SARDH: variants seen among roughly 807,000 people sequenced by gnomAD.
SARDH encodes sarcosine dehydrogenase, also known as sarcosine dehydrogenase, mitochondrial.
In SARDH, 95 loss-of-function variants were observed where a neutral mutation model predicts 109.1. The observed-to-expected ratio is 0.87, with a 90% CI of 0.74 to 1.03. The LOEUF (loss-of-function observed/expected upper bound fraction) is 1.03, where lower values mean the gene tolerates loss of function less well. SARDH is among the 50% of genes least tolerant of loss of function. SARDH has a pLI of 0.00. For missense variants in SARDH, 1,267 were observed against 1,287.8 expected (o/e 0.98, Z 0.25); for synonymous variants, 572 against 534.8 (o/e 1.07, Z -0.96).
downstream of SARDH, among the ~76,000 whole-genome samples, chr9:133,661,649 TTTTG>T (rs1832416859): frequency 1.3e-5 from 2 of 151,930 alleles, no homozygotes; most frequent in Non-Finnish European, 2.9e-5. Flanking sequence ...GCCCAGCTAA[TTTTG>T]TGTTTTTAGT....
At chr9:133,670,842 C>A in intron 18 of SARDH, 90 bp from the exon 19 acceptor site, 1 of 1,423,164 alleles carries the variant, frequency 7.0e-7, no homozygotes, top group South Asian at 1.5e-5. Context: ...AACCCACCCC[C>A]TCCAGCCCCT....
chr9:133,717,955 C>T (rs576123756), intron 7 of SARDH, among the ~76,000 whole-genome samples: 22 of 152,334 alleles, frequency 1.4e-4, no homozygotes, highest in African/African-American at 4.8e-4. Flanking sequence ...CCCTGAAAAA[C>T]CCTGCCCTGA....
At position 133,694,464 on chromosome 9, in the gene SARDH, C is replaced by G. The variant is rs978141170; in HGVS notation, c.1808-93G>C. Reference sequence around the variant, plus strand: ...CCCAGGGCCGCTCACAGGGGCAGCTCCTTGTCACGGAGGCTGGATAACCCC... The same window carrying G: ...CCCAGGGCCGCTCACAGGGGCAGCTGCTTGTCACGGAGGCTGGATAACCCC... On this transcript the variant is annotated intron_variant, in intron 14 of 20. Transcript: ENST00000439388. The G allele has an allele frequency of 4.8e-6, 5 of 1,035,770 alleles. No homozygotes were observed. The African/African-American group carries it at 8.0e-5, about 17-fold the overall frequency. The allele number at this position is 1,035,770 out of a possible 1,614,324, so 64.2% of individuals were successfully genotyped here.
chr9:133,694,189 C>G, intron 15 of SARDH, 69 bp downstream of exon 15: 1 of 1,194,702 alleles, frequency 8.4e-7, no homozygotes, highest in Non-Finnish European at 1.2e-6. Flanking sequence ...CCATCCTGCC[C>G]TGTCCACAAC....
chr9:133,708,061 C>A (rs566381068), intron 11 of SARDH, among the ~76,000 whole-genome samples: 1 of 152,272 alleles, frequency 6.6e-6, no homozygotes, highest in Non-Finnish European at 1.5e-5. Context: ...CAACAGAAGC[C>A]CCCGGGTGGG....
At position 133,666,861 on chromosome 9, in the gene SARDH, G is replaced by T; in HGVS notation, c.2505C>A (p.Pro835=). Residue 835 remains proline (P), a synonymous_variant, in exon 20 of 21, where the codon CCC becomes CCA. Coordinates refer to ENST00000439388, the MANE Select transcript of SARDH (RefSeq NM_001134707.2). The surrounding 1 kb of genome is among the most constrained non-coding windows in gnomAD (Gnocchi z 5.2). The part of the protein sequence containing the change: ...LVCFTMEDKV[P]MFGLEAIWRN... ...TCCAGATGGCCTCCAGGCCAAACAT[G>T]GGTACTTTGCTGGAAGAAGCAGTAG... The T allele has an allele frequency of 6.2e-7, 1 of 1,612,680 alleles. No individual in the cohort carries two copies. Among genetic ancestry groups the T allele is most frequent in the East Asian group, 2.2e-5 (1 of 44,870 alleles).
chr9:133,725,441 G>T, intron 6 of SARDH: 1 of 354,598 alleles, frequency 2.8e-6, no homozygotes, highest in Non-Finnish European at 5.7e-6. Flanking sequence ...GGAAGTCCGA[G>T]ATGGGTGGAT....
intron 13 of SARDH, among the ~76,000 whole-genome samples, chr9:133,698,016 AAAAAAGAAAAAAAAG>A (rs1255220020): frequency 8.0e-5 from 12 of 150,546 alleles, no homozygotes; most frequent in Admixed American, 4.0e-4. Context: ...CACTAAAAAA[AAAAAAGAAAAAAAAG>A]AAAAAAAACT....
Position 133,694,177 on chromosome 9 carries a change from G to A in SARDH, c.1921+81C>T, listed in dbSNP as rs775105981. ...AGAGCTGCCGTCAGCAGCCCATCCCGTCCATCCTGCCCTGTCCACAACCAC... is the reference window on the plus strand; with the variant it reads ...AGAGCTGCCGTCAGCAGCCCATCCCATCCATCCTGCCCTGTCCACAACCAC... On this transcript the variant is annotated intron_variant, in intron 15 of 20. Transcript: ENST00000439388. 139 of 1,053,178 alleles carry A rather than the reference G, an allele frequency of 1.3e-4. 1 individual carries two copies. Among genetic ancestry groups the A allele is most frequent in the South Asian group, 2.4e-4 (16 of 66,794 alleles). The allele number at this position is 1,053,178 out of a possible 1,614,324, so 65.2% of individuals were successfully genotyped here. A position where few individuals can be genotyped will look rare whatever the true frequency, so the allele number is the denominator to read the frequency against.
At chr9:133,696,415 T>C in intron 13 of SARDH, 54 bp from the exon 14 acceptor site, 1 of 1,612,034 alleles carries the variant, frequency 6.2e-7, no homozygotes, top group Non-Finnish European at 8.5e-7. Flanking sequence ...GGTGTGCTTC[T>C]TCCTCAAGAA....
At chr9:133,699,176 A>G (rs1831392506) in intron 13 of SARDH, among the ~76,000 whole-genome samples, 1 of 152,082 alleles carries the variant, frequency 6.6e-6, no homozygotes, top group Non-Finnish European at 1.5e-5. Context: ...GAGAAACCCC[A>G]TCTCTACTAA....
At chr9:133,732,321 A>T in intron 3 of SARDH, 102 bp downstream of exon 3, 1 of 435,632 alleles carries the variant, frequency 2.3e-6, no homozygotes, top group Non-Finnish European at 3.7e-6. Flanking sequence ...CAGGGAGCCC[A>T]CCCTACCCCC....
rs912923563 is a variant in SARDH, at chr9:133,738,245, T to A, written c.-31+9A>T. The stretch of plus-strand genomic sequence containing the variant: ...CCTCGTCCCTCCCTGGGGGTGTACC[T>A]CCAAGTACCTCTTGTCAGCTGCAGT... On this transcript the variant is annotated intron_variant, in intron 1 of 20. Transcript: ENST00000439388. The A allele has an allele frequency of 3.3e-5, 5 of 152,404 alleles. No homozygotes were observed. The highest frequency in any genetic ancestry group is 1.2e-4 in the African/African-American group (5 of 41,446). The allele number at this position is 152,404 out of a possible 1,614,324, so 9.4% of individuals were successfully genotyped here. A position where few individuals can be genotyped will look rare whatever the true frequency, so the allele number is the denominator to read the frequency against.
At chr9:133,667,146 TTGGGAGGGCCCC>T in intron 19 of SARDH, 2 of 569,390 alleles carry the variant, frequency 3.5e-6, no homozygotes, top group Non-Finnish European at 6.2e-6. Context: ...CCCCGTATAT[TTGGGAGGGCCCC>T]TGCTTCCGAT....
rs180824634 is a variant in SARDH at position 133,697,367 on chromosome 9, C to T, written c.1669-1006G>A. On this transcript the variant is annotated intron_variant, in intron 13 of 20. Transcript: ENST00000439388. ...ACCAAACAGTCAAAGAACTAATACC[C>T]ATTTTTCCCAAACTCTTCCAAAAAA... is the stretch of plus-strand genomic sequence containing the variant. Among the ~76,000 whole-genome samples, 309 of 152,294 alleles carry T rather than the reference C, an allele frequency of 2.0e-3. 3 individuals carry two copies. Among genetic ancestry groups the T allele is most frequent in the Middle Eastern group, 0.01 (3 of 294 alleles).
In SARDH at chr9:133,704,825, C is replaced by T. The variant is rs1831626329; in HGVS notation, c.1554+123G>A. ...GCTTCCCGTGTGCAGAATAACTGAT[C>T]ACGACAGTGGAACCACCTGGGGAGG... is the stretch of plus-strand genomic sequence containing the variant. On this transcript the variant is annotated intron_variant, in intron 12 of 20. Transcript: ENST00000439388. This position sits in a 1 kb window ranked among gnomAD's most constrained non-coding sequence, Gnocchi z 4.5. 1 of 791,340 alleles carries T rather than the reference C, an allele frequency of 1.3e-6. No individual in the cohort carries two copies. Among genetic ancestry groups the T allele is most frequent in the South Asian group, 1.7e-5 (1 of 60,540 alleles). The allele number at this position is 791,340 out of a possible 1,614,324, so 49.0% of individuals were successfully genotyped here. A position where few individuals can be genotyped will look rare whatever the true frequency, so the allele number is the denominator to read the frequency against.
intron 20 of SARDH, among the ~76,000 whole-genome samples, chr9:133,665,377 C>T (rs1247911028): frequency 6.6e-6 from 1 of 152,170 alleles, no homozygotes; most frequent in Non-Finnish European, 1.5e-5. Context: ...GGGCTGTGGC[C>T]CCCAGGACCA....
chr9:133,674,318 T>A (rs1432219230), intron 17 of SARDH, among the ~76,000 whole-genome samples: 1 of 152,192 alleles, frequency 6.6e-6, no homozygotes, highest in Non-Finnish European at 1.5e-5. Context: ...CTCTGACCCA[T>A]CGGCCAGGGT....
downstream of SARDH, among the ~76,000 whole-genome samples, chr9:133,659,579 G>A (rs1288699639): frequency 6.6e-6 from 1 of 152,212 alleles, no homozygotes; most frequent in Admixed American, 6.5e-5. Context: ...TCAGCAAAAC[G>A]CTGCCCAGCC....
Sources: gnomAD v4.1 joint callset for allele counts (sites outside exome capture counted in the v4.1 genomes callset) on GRCh38, gnomAD v4.1.1 for gene constraint, Gnocchi (gnomAD v3.1) non-coding constraint, MANE v1.5 for transcripts, NCBI Gene and HGNC (gene_info 2026-07-23, HGNC 2026-07-21) for gene names.